Variants in MMP26 observed in about 807,000 individuals in gnomAD.
MMP26 encodes the protein matrix metallopeptidase 26, also known as matrix metalloproteinase-26.
In MMP26, 33 loss-of-function variants were observed where a neutral mutation model predicts 31.0. That is an observed-to-expected ratio of 1.06 (90% CI 0.81 to 1.42). The LOEUF is 1.42. MMP26 is among the 40% of genes most tolerant of loss of function. The pLI is 0.00. For missense variants in MMP26, 347 were observed against 316.1 expected, an observed-to-expected ratio of 1.10 and a Z score of -0.74; for synonymous variants, 122 against 114.9, an observed-to-expected ratio of 1.06 and a Z score of -0.40.
chr11:4,811,303 T>C (rs985513312), intron 2 of MMP26, among the ~76,000 whole-genome samples: 1 of 152,216 alleles, frequency 6.6e-6, no homozygotes, highest in African/African-American at 2.4e-5. Flanking sequence ...TTTTATCACC[T>C]AGTTGTTAAG....
intron 2 of MMP26, chr11:4,946,372 A>C (rs543930237): frequency 1.2e-6 from 2 of 1,613,668 alleles, no homozygotes; most frequent in Non-Finnish European, 1.7e-6. Context: ...AGATGTGTGA[A>C]ACACAAGTAT....
chr11:4,811,748 A>C (rs1849352280), intron 2 of MMP26, among the ~76,000 whole-genome samples: 1 of 152,054 alleles, frequency 6.6e-6, no homozygotes, highest in Non-Finnish European at 1.5e-5. Flanking sequence ...TGACTCTTCC[A>C]CAGTCCCAAA....
chr11:4,856,113 A>G (rs1406924765), intron 2 of MMP26, among the ~76,000 whole-genome samples: 64 of 152,228 alleles, frequency 4.2e-4, no homozygotes, highest in Non-Finnish European at 4.4e-5. Context: ...GCCACTGAAA[A>G]AACATGCCAA....
intron 2 of MMP26, among the ~76,000 whole-genome samples, chr11:4,857,194 C>G (rs1850066190): frequency 6.6e-6 from 1 of 151,726 alleles, no homozygotes; most frequent in South Asian, 2.1e-4. Context: ...CATTCAAAAG[C>G]TAGCAGAAGA....
intron 2 of MMP26, chr11:4,860,318 T>C (rs1248862849): frequency 6.4e-6 from 3 of 471,140 alleles, no homozygotes; most frequent in African/African-American, 6.0e-5. Flanking sequence ...ATGCTGAGCA[T>C]GGAGGGCAAG....
At chr11:4,980,918 CAT>C (rs1407806077) in intron 2 of MMP26, among the ~76,000 whole-genome samples, 1 of 151,846 alleles carries the variant, frequency 6.6e-6, no homozygotes, top group African/African-American at 2.4e-5. Context: ...AAAATCATAA[CAT>C]AAACATATTA....
At chr11:4,929,163 G>A (rs1269740518) in intron 2 of MMP26, among the ~76,000 whole-genome samples, 1 of 152,044 alleles carries the variant, frequency 6.6e-6, no homozygotes. Context: ...TGTGTTTTGT[G>A]TTTATTTTTT....
chr11:4,801,097 A>G (rs1270874094), intron 2 of MMP26, among the ~76,000 whole-genome samples: 1 of 152,192 alleles, frequency 6.6e-6, no homozygotes, highest in Non-Finnish European at 1.5e-5. Context: ...TATTTCTATC[A>G]GCATTTTGGT....
In MMP26 at chr11:4,914,665, G is replaced by T; in HGVS notation, c.-144-73403G>T. 2.5e-6 allele frequency: 3 copies of T among 1,203,694 alleles called. No individual in the cohort carries two copies. In the East Asian group the frequency reaches 7.3e-5, roughly 29 times the overall value. 74.6% of individuals were successfully genotyped at this position (1,203,694 alleles called of 1,614,324 possible). On this transcript the variant is annotated intron_variant, in intron 2 of 7. Coordinates refer to ENST00000380390, the MANE Select transcript of MMP26 (RefSeq NM_021801.5). ...TTTATGCATGTTAGAAATTATAAAG[G>T]ATAGGCAAACAAGGGCACGTTTCAG...
chr11:4,912,511 C>T (rs1589936760), intron 2 of MMP26: 1 of 152,106 alleles, frequency 6.6e-6, no homozygotes, highest in East Asian at 1.9e-4. Flanking sequence ...TCTGTATACA[C>T]AAGCATGAAA....
intron 2 of MMP26, among the ~76,000 whole-genome samples, chr11:4,773,800 C>T (rs2117212): frequency 0.036 from 5,520 of 152,050 alleles, 133 homozygotes; most frequent in Non-Finnish European, 0.057. Context: ...CCACCTCACC[C>T]CCTGACGGGC....
chr11:4,851,958 C>T lies in MMP26; in HGVS notation c.-145+84617C>T, dbSNP rs1849981753. Among the ~76,000 whole-genome samples the T allele has an allele frequency of 2.6e-5, 4 of 151,912 alleles. No homozygotes were observed. The South Asian group carries it at 8.3e-4, about 32-fold the overall frequency. ...GTGAAATTTCAACCATATCAATAAT[C>T]ACAAAGTGAATGGACTAAGCATGCA... On this transcript the variant is annotated intron_variant, in intron 2 of 7. Coordinates refer to ENST00000380390, the MANE Select transcript of MMP26 (RefSeq NM_021801.5).
At chr11:4,705,114 T>C (rs1275641426) in intron 1 of MMP26, 69 bp downstream of exon 1, 1 of 152,156 alleles carries the variant, frequency 6.6e-6, no homozygotes, top group African/African-American at 2.4e-5. Context: ...AGATAGTATA[T>C]GAAACAAACG....
intron 2 of MMP26, among the ~76,000 whole-genome samples, chr11:4,959,425 T>G (rs1263628311): frequency 6.6e-6 from 1 of 152,120 alleles, no homozygotes; most frequent in Non-Finnish European, 1.5e-5. Context: ...CTGTCTTCTC[T>G]TAATAAAAGT....
chr11:4,867,932 C>T (rs753983864), intron 2 of MMP26, among the ~76,000 whole-genome samples: 17 of 151,948 alleles, frequency 1.1e-4, no homozygotes, highest in African/African-American at 4.1e-4. Context: ...ATTGTAAAGG[C>T]ACATGCATGT....
At chr11:4,733,637 T>A (rs1848201974) in intron 1 of MMP26, among the ~76,000 whole-genome samples, 1 of 152,138 alleles carries the variant, frequency 6.6e-6, no homozygotes, top group South Asian at 2.1e-4. Flanking sequence ...CAAATAGAAA[T>A]AGTTTTACCT....
chr11:4,924,337 C>T (rs537829963), intron 2 of MMP26: 1 of 1,596,904 alleles, frequency 6.3e-7, no homozygotes. Flanking sequence ...GAAGAATTGT[C>T]ATAGCTTTAC....
intron 2 of MMP26, among the ~76,000 whole-genome samples, chr11:4,800,427 C>T (rs1400427746): frequency 1.3e-5 from 2 of 152,200 alleles, no homozygotes; most frequent in African/African-American, 4.8e-5. Context: ...ATGCAGGGAG[C>T]AGTGTCCCAA....
At chr11:4,706,761 T>C (rs1469883494) in intron 1 of MMP26, among the ~76,000 whole-genome samples, 1 of 152,148 alleles carries the variant, frequency 6.6e-6, no homozygotes, top group African/African-American at 2.4e-5. Context: ...TTTAACAGCA[T>C]CTCCCCCATT....
Sources: gnomAD v4.1 joint callset for allele counts (sites outside exome capture counted in the v4.1 genomes callset) on GRCh38, gnomAD v4.1.1 for gene constraint, MANE v1.5 for transcripts, NCBI Gene and HGNC (gene_info 2026-07-23, HGNC 2026-07-21) for gene names.